The following NNMT variants were observed in gnomAD, a reference collection of about 807,000 sequenced individuals.
NNMT encodes the protein nicotinamide N-methyltransferase.
NNMT carries 10 observed loss-of-function variants against 11.7 expected under a neutral mutation model. The observed-to-expected ratio is 0.85, with a 90% confidence interval of 0.53 to 1.45. The LOEUF (loss-of-function observed/expected upper bound fraction) is 1.45. Among genes scored for constraint, NNMT ranks in the 40% most tolerant of loss-of-function variants. The pLI, the probability that NNMT is intolerant of heterozygous loss-of-function variation, is 0.00. For synonymous variants in NNMT, 143 were observed against 133.8 expected (o/e 1.07, Z -0.48); for missense variants, 381 against 319.4 (o/e 1.19, Z -1.47).
chr11:114,268,416 A>G (rs1945139609), intron 2 of NNMT, among the ~76,000 whole-genome samples: 1 of 152,150 alleles, frequency 6.6e-6, no homozygotes, highest in South Asian at 2.1e-4. Flanking sequence ...CAGCCTCCAT[A>G]CATGGGACTT....
intron 2 of NNMT, among the ~76,000 whole-genome samples, chr11:114,287,368 G>GT: frequency 6.6e-6 from 1 of 152,132 alleles, no homozygotes; most frequent in East Asian, 1.9e-4. Context: ...AATCTTTAGA[G>GT]TTTTGCCCTT....
intron 2 of NNMT, among the ~76,000 whole-genome samples, chr11:114,305,324 G>T (rs1285992279): frequency 6.7e-6 from 1 of 150,010 alleles, no homozygotes; most frequent in Non-Finnish European, 1.5e-5. Flanking sequence ...GGTTGCCTCT[G>T]TAGAGAGTGG....
intron 2 of NNMT, among the ~76,000 whole-genome samples, chr11:114,265,698 A>C (rs1381395649): frequency 1.3e-5 from 2 of 152,218 alleles, no homozygotes; most frequent in Non-Finnish European, 2.9e-5. Context: ...AGACATTATC[A>C]GGCCAGGTTC....
Position 114,296,623 on chromosome 11 carries a change from A to T in NNMT, c.67A>T (p.Lys23Ter), listed in dbSNP as rs1213439209. Reference protein sequence around the residue: ...SHFNPRDYLEKYYKFGSRHSA... With the variant: ...SHFNPRDYLE ...TTTTAACCCTCGGGATTACCTAGAA[A>T]AATATTACAAGTTTGGTTCTAGGCA... The change falls in exon 1 of 3, where the codon AAA becomes TAA. Residue 23 changes from lysine (K) to a stop codon, truncating the protein, a stop_gained. Coordinates refer to ENST00000299964, the MANE Select transcript of NNMT (RefSeq NM_006169.3). LOFTEE classifies it high-confidence loss of function. 6.2e-7 allele frequency: 1 copy of T among 1,614,168 alleles called. No homozygotes were observed. Among genetic ancestry groups the T allele is most frequent in the Non-Finnish European group, 8.5e-7 (1 of 1,180,028 alleles).
intron 2 of NNMT, among the ~76,000 whole-genome samples, chr11:114,278,956 A>G (rs1945237219): frequency 1.3e-5 from 2 of 152,326 alleles, no homozygotes; most frequent in African/African-American, 2.4e-5. Context: ...CAGGTGCCCT[A>G]CGCAAGACTG....
At chr11:114,265,117 A>G (rs971915696) in intron 2 of NNMT, among the ~76,000 whole-genome samples, 16 of 152,182 alleles carry the variant, frequency 1.1e-4, no homozygotes, top group African/African-American at 3.6e-4. Flanking sequence ...TCCAGCAACC[A>G]GCCCCCATCC....
At chr11:114,302,770 C>A (rs1945450351) in intron 2 of NNMT, among the ~76,000 whole-genome samples, 1 of 152,016 alleles carries the variant, frequency 6.6e-6, no homozygotes, top group Admixed American at 6.6e-5. Context: ...AAATCCTAAC[C>A]CCCTTATGAT....
Position 114,270,742 on chromosome 11 carries a change from G to A in NNMT, c.-130+7808G>A, listed in dbSNP as rs12282277. On this transcript the variant is annotated intron_variant, in intron 2 of 4. Coordinates refer to the NNMT transcript ENST00000535401. ...AGGATAGCAATCCTACTGGATTAGG[G>A]CCCTATTCTATGACTTCATATAACC... Among the ~76,000 whole-genome samples the A allele has an allele frequency of 2.2e-3, 338 of 151,842 alleles. 3 individuals are homozygous for A. The highest frequency in any genetic ancestry group is 7.8e-3 in the African/African-American group (323 of 41,434).
chr11:114,288,315 A>T (rs1228081327), intron 2 of NNMT, among the ~76,000 whole-genome samples: 1 of 152,192 alleles, frequency 6.6e-6, no homozygotes, highest in African/African-American at 2.4e-5. Flanking sequence ...TAAATGGGTC[A>T]TCGGGAAGAG....
intron 2 of NNMT, among the ~76,000 whole-genome samples, chr11:114,278,601 A>T (rs759824539): frequency 6.7e-6 from 1 of 149,250 alleles, no homozygotes; most frequent in African/African-American, 2.5e-5. Flanking sequence ...TGGGAGGTGG[A>T]CCTAATACTC....
intron 2 of NNMT, among the ~76,000 whole-genome samples, chr11:114,301,633 G>C (rs1290712624): frequency 6.6e-6 from 1 of 152,014 alleles, no homozygotes; most frequent in Non-Finnish European, 1.5e-5. Context: ...TAAATAGGTG[G>C]AGTATAGAGG....
intron 2 of NNMT, among the ~76,000 whole-genome samples, chr11:114,284,741 C>T (rs112940641): frequency 0.013 from 1,881 of 140,852 alleles, 35 homozygotes; most frequent in African/African-American, 0.042. Flanking sequence ...AGATGACAGG[C>T]GTGAGCCACT....
In NNMT at chr11:114,312,052, G is replaced by T; in HGVS notation, c.370G>T (p.Gly124Cys). The part of the protein sequence containing the change: ...VCDLEGNRVK[G>C]PEKEEKLRQA... ...TGGGTTTGTGTTTTTCAGAGTCAAG[G>T]GTCCAGAGAAGGAGGAGAAGTTGAG... The change falls in exon 3 of 3, where the codon GGT becomes TGT. Residue 124 changes from glycine to cysteine, a missense_variant. By Grantham distance (159) the Gly-to-Cys change is radical. Coordinates refer to ENST00000299964, the MANE Select transcript of NNMT (RefSeq NM_006169.3). 6.4e-7 allele frequency: 1 copy of T among 1,563,160 alleles called. No homozygotes were observed. Among genetic ancestry groups the T allele is most frequent in the Non-Finnish European group, 8.7e-7 (1 of 1,150,478 alleles).
intron 2 of NNMT, among the ~76,000 whole-genome samples, chr11:114,311,410 A>G (rs1001369784): frequency 6.6e-6 from 1 of 152,244 alleles, no homozygotes; most frequent in Admixed American, 6.5e-5. Context: ...AGGCTACCAA[A>G]AACATGATCT....
At chr11:114,311,642 T>C (rs908963947) in intron 2 of NNMT, among the ~76,000 whole-genome samples, 5 of 152,148 alleles carry the variant, frequency 3.3e-5, no homozygotes, top group African/African-American at 1.2e-4. Context: ...TCTGTATGGG[T>C]CAAGTAGCCG....
At chr11:114,311,785 C>T (rs2852425) in intron 2 of NNMT, among the ~76,000 whole-genome samples, 99,097 of 152,072 alleles carry the variant, frequency 0.65, 34,434 homozygotes, top group East Asian at 0.82. Context: ...GGGAAGTCCA[C>T]GGTAGAAGCA....
chr11:114,312,241 C>T lies in NNMT; in HGVS notation c.559C>T (p.Leu187=). 6.2e-7 allele frequency: 1 copy of T among 1,614,198 alleles called. No individual in the cohort carries two copies. Among genetic ancestry groups the T allele is most frequent in the Non-Finnish European group, 8.5e-7 (1 of 1,180,008 alleles). The change falls in exon 3 of 3, where the codon CTG becomes TTG. Residue 187 remains leucine (L), a synonymous_variant. Transcript: ENST00000299964. Reference sequence around the variant, plus strand: ...GGCGCTCAGGAACCTCGGCAGCCTACTGAAGCCAGGGGGCTTCCTGGTGAT... The same window carrying T: ...GGCGCTCAGGAACCTCGGCAGCCTATTGAAGCCAGGGGGCTTCCTGGTGAT... ...CRALRNLGSL[L]KPGGFLVIMD...
intron 1 of NNMT, among the ~76,000 whole-genome samples, chr11:114,262,547 C>A (rs1479975931): frequency 2.6e-5 from 4 of 152,180 alleles, no homozygotes; most frequent in Non-Finnish European, 4.4e-5. Context: ...CTCTCAGAAC[C>A]AGTTCACCAG....
Position 114,312,515 on chromosome 11 carries a change from TC to T in NNMT, c.*40del. 5 of 1,577,320 alleles carry T rather than the reference TC, an allele frequency of 3.2e-6. No individual in the cohort carries two copies. Among genetic ancestry groups the T allele is most frequent in the Non-Finnish European group, 4.3e-6 (5 of 1,159,050 alleles). On this transcript the variant is annotated 3_prime_UTR_variant, in exon 3 of 3. Coordinates refer to ENST00000299964, the MANE Select transcript of NNMT (RefSeq NM_006169.3). ...CAATTAAAGCAATTCCTTTGACCTG[TC>T]CAGTTGACTTTAGTCCTTGTTTCTA... is the stretch of plus-strand genomic sequence containing the variant.
Sources: allele counts gnomAD v4.1 joint callset (sites outside exome capture counted in the v4.1 genomes callset), GRCh38; gene constraint gnomAD v4.1.1; transcripts MANE v1.5; gene names NCBI Gene and HGNC (gene_info 2026-07-23, HGNC 2026-07-21).